MACROD2: variants seen among roughly 807,000 people sequenced by gnomAD.
MACROD2 encodes the protein ADP-ribose glycohydrolase MACROD2.
In MACROD2, 36 loss-of-function variants were observed where a neutral mutation model predicts 70.4. The ratio of observed to expected loss-of-function variants is 0.51; its 90% CI spans 0.39 to 0.68. The LOEUF (loss-of-function observed/expected upper bound fraction) is 0.68. MACROD2 is among the 30% of genes least tolerant of loss of function. MACROD2 has a pLI of 0.00. For synonymous variants in MACROD2, 172 were observed against 178.8 expected (o/e 0.96, Z 0.30); for missense variants, 496 against 538.4 (o/e 0.92, Z 0.78).
At chr20:14,815,450 A>C (rs138882377) in intron 5 of MACROD2, among the ~76,000 whole-genome samples, 1 of 152,156 alleles carries the variant, frequency 6.6e-6, no homozygotes, top group East Asian at 1.9e-4. Flanking sequence ...TTTAATATTT[A>C]TCATAACATA....
intron 6 of MACROD2, among the ~76,000 whole-genome samples, chr20:15,420,523 C>T (rs2046213351): frequency 6.6e-6 from 1 of 152,078 alleles, no homozygotes; most frequent in African/African-American, 2.4e-5. Flanking sequence ...GGGATGGGCA[C>T]TGTAATAGTG....
At chr20:14,521,263 G>C (rs973220807) in intron 4 of MACROD2, among the ~76,000 whole-genome samples, 2 of 152,146 alleles carry the variant, frequency 1.3e-5, no homozygotes, top group African/African-American at 4.8e-5. Flanking sequence ...TCTAAAACCT[G>C]CCCTCTTGGG....
intron 5 of MACROD2, among the ~76,000 whole-genome samples, chr20:15,159,844 G>A (rs1010130723): frequency 3.9e-5 from 6 of 152,160 alleles, no homozygotes; most frequent in Non-Finnish European, 7.4e-5. Flanking sequence ...TGGAGAGCAG[G>A]AGAGGAAGAT....
At chr20:14,730,344 A>G (rs1224653900) in intron 5 of MACROD2, among the ~76,000 whole-genome samples, 3 of 152,216 alleles carry the variant, frequency 2.0e-5, no homozygotes, top group Non-Finnish European at 4.4e-5. Context: ...AGGCCCAATC[A>G]TGCTACTCCA....
intron 8 of MACROD2, among the ~76,000 whole-genome samples, chr20:15,808,143 T>G (rs983153287): frequency 6.6e-6 from 1 of 152,214 alleles, no homozygotes; most frequent in African/African-American, 2.4e-5. Context: ...AATTGCTTAC[T>G]CGGGGAGCTC....
intron 3 of MACROD2, among the ~76,000 whole-genome samples, chr20:14,321,787 A>G (rs775005836): frequency 6.6e-6 from 1 of 152,138 alleles, no homozygotes; most frequent in Non-Finnish European, 1.5e-5. Flanking sequence ...TTTGTTTGGA[A>G]TAGGGGAATA....
chr20:14,463,187 T>C (rs1425864999), intron 3 of MACROD2, among the ~76,000 whole-genome samples: 1 of 152,092 alleles, frequency 6.6e-6, no homozygotes, highest in Non-Finnish European at 1.5e-5. Flanking sequence ...TTCTTCCATT[T>C]GTTTATATCC....
chr20:14,186,265 A>T (rs1373417057), intron 3 of MACROD2, among the ~76,000 whole-genome samples: 2 of 152,204 alleles, frequency 1.3e-5, no homozygotes, highest in African/African-American at 4.8e-5. Flanking sequence ...TGCCTATCAT[A>T]TCAATGTTTT....
At chr20:15,948,399 AAAAAAAAAAAAAAG>A (rs1316481451) in intron 12 of MACROD2, among the ~76,000 whole-genome samples, 1 of 147,512 alleles carries the variant, frequency 6.8e-6, no homozygotes, top group Non-Finnish European at 1.5e-5. Context: ...AAAAAAAAAA[AAAAAAAAAAAAAAG>A]GAAAAAGAAA....
intron 7 of MACROD2, among the ~76,000 whole-genome samples, chr20:15,461,894 A>T (rs2046824491): frequency 6.6e-6 from 1 of 152,188 alleles, no homozygotes; most frequent in African/African-American, 2.4e-5. Context: ...CTATGTAAAA[A>T]CAACCAAGCT....
At chr20:15,820,453 A>G (rs1344860862) in intron 8 of MACROD2, among the ~76,000 whole-genome samples, 4 of 152,078 alleles carry the variant, frequency 2.6e-5, no homozygotes, top group African/African-American at 9.7e-5. Context: ...TGGCCTCTCA[A>G]AGTGCTGGGA....
chr20:15,966,125 T>C (rs1201076782), intron 12 of MACROD2, among the ~76,000 whole-genome samples: 1 of 152,056 alleles, frequency 6.6e-6, no homozygotes, highest in East Asian at 1.9e-4. Context: ...TGAGAGGAAA[T>C]GAATGGAGAG....
chr20:14,819,790 A>G (rs1440748886), intron 5 of MACROD2, among the ~76,000 whole-genome samples: 1 of 152,124 alleles, frequency 6.6e-6, no homozygotes, highest in Non-Finnish European at 1.5e-5. Flanking sequence ...GAAGGCCCAG[A>G]GGCCTTATTC....
rs537766361 is a variant in MACROD2, at chr20:14,327,019, C to T, written c.272-166460C>T. ...CCAGGGAATTGTGCTAAGGTGATTACGGGACAGGAAAAGCAGTCGGAGATA... is the reference window on the plus strand; with the variant it reads ...CCAGGGAATTGTGCTAAGGTGATTATGGGACAGGAAAAGCAGTCGGAGATA... On this transcript the variant is annotated intron_variant, in intron 3 of 17. Transcript: ENST00000684519. 2.5e-5 allele frequency: 40 copies of T among 1,613,636 alleles called. No individual in the cohort carries two copies. Among genetic ancestry groups the T allele is most frequent in the Admixed American group, 2.2e-4 (13 of 59,960 alleles).
In MACROD2 at chr20:15,678,516, T is replaced by C. The variant is rs56060614; in HGVS notation, c.645+178669T>C. ...CTGGGACTACAGGCGCCCGCCACCA[T>C]GCCTGGCTAATTTTTTGTATTTTTA... On this transcript the variant is annotated intron_variant, in intron 8 of 17. Coordinates refer to ENST00000684519, the MANE Select transcript of MACROD2 (RefSeq NM_001351661.2). Among the ~76,000 whole-genome samples, 618 of 151,916 alleles carry C rather than the reference T, an allele frequency of 4.1e-3. 4 individuals are homozygous for C. The highest frequency in any genetic ancestry group is 5.3e-3 in the East Asian group (27 of 5,128).
intron 8 of MACROD2, among the ~76,000 whole-genome samples, chr20:15,843,953 A>G (rs2064201868): frequency 6.6e-6 from 1 of 151,772 alleles, no homozygotes; most frequent in African/African-American, 2.4e-5. Context: ...CTCTTTCACA[A>G]TCACTCATCC....
At chr20:14,213,976 T>C (rs2081592658) in intron 3 of MACROD2, among the ~76,000 whole-genome samples, 1 of 152,160 alleles carries the variant, frequency 6.6e-6, no homozygotes, top group South Asian at 2.1e-4. Flanking sequence ...TTGTGCCTCA[T>C]ACTAATTGCT....
intron 7 of MACROD2, among the ~76,000 whole-genome samples, chr20:15,450,852 T>C (rs2046631517): frequency 6.6e-6 from 1 of 152,164 alleles, no homozygotes; most frequent in South Asian, 2.1e-4. Flanking sequence ...CAATGACATC[T>C]CTCAGAATTA....
chr20:15,946,645 T>C (rs1568659826), intron 12 of MACROD2, among the ~76,000 whole-genome samples: 1 of 152,232 alleles, frequency 6.6e-6, no homozygotes, highest in Non-Finnish European at 1.5e-5. Flanking sequence ...CATTCATTTT[T>C]ATGTTCTCCA....
Sources: gnomAD v4.1 joint callset for allele counts (sites outside exome capture counted in the v4.1 genomes callset) on GRCh38, gnomAD v4.1.1 for gene constraint, MANE v1.5 for transcripts, NCBI Gene and HGNC (gene_info 2026-07-23, HGNC 2026-07-21) for gene names.